The following NDST4 variants were observed in gnomAD, a reference collection of about 807,000 sequenced individuals.
The protein encoded by NDST4 is N-deacetylase and N-sulfotransferase 4.
A neutral mutation model predicts 100.8 loss-of-function variants in NDST4; 63 were observed. The observed-to-expected ratio is 0.62, with a 90% confidence interval of 0.51 to 0.77. NDST4 has a LOEUF of 0.77. NDST4 is among the 30% of genes least tolerant of loss of function. NDST4 has a pLI of 0.00. For missense variants in NDST4, 943 were observed against 1,018.4 expected (o/e 0.93, Z 1.01); for synonymous variants, 377 against 361.8 (o/e 1.04, Z -0.48).
At chr4:114,832,235 G>T (rs2126180056) in intron 12 of NDST4, among the ~76,000 whole-genome samples, 1 of 152,304 alleles carries the variant, frequency 6.6e-6, no homozygotes, top group African/African-American at 2.4e-5. Context: ...TAGGCCTTGT[G>T]TTGTTGTTAT....
chr4:114,981,579 C>G (rs2126246559), intron 2 of NDST4, among the ~76,000 whole-genome samples: 1 of 152,194 alleles, frequency 6.6e-6, no homozygotes, highest in East Asian at 1.9e-4. Flanking sequence ...TCTGGGGATT[C>G]TGAATTGGAG....
At chr4:114,860,972 C>T (rs535908492) in intron 7 of NDST4, among the ~76,000 whole-genome samples, 11 of 152,276 alleles carry the variant, frequency 7.2e-5, no homozygotes, top group East Asian at 1.9e-4. Flanking sequence ...AAATCAGCAA[C>T]GAAATAATTC....
intron 7 of NDST4, among the ~76,000 whole-genome samples, chr4:114,856,719 A>G (rs933460762): frequency 6.6e-6 from 1 of 152,148 alleles, no homozygotes; most frequent in African/African-American, 2.4e-5. Flanking sequence ...CTGGCTCACT[A>G]TATTGTTGAC....
At chr4:115,055,415 G>A (rs1728673618) in intron 2 of NDST4, among the ~76,000 whole-genome samples, 1 of 151,936 alleles carries the variant, frequency 6.6e-6, no homozygotes, top group Admixed American at 6.6e-5. Context: ...GGGGATCACT[G>A]GCTTATTCCA....
At chr4:115,003,751 C>T (rs2126256998) in intron 2 of NDST4, among the ~76,000 whole-genome samples, 1 of 151,910 alleles carries the variant, frequency 6.6e-6, no homozygotes, top group African/African-American at 2.4e-5. Context: ...ACCTGTACTC[C>T]CAGCTACTCG....
chr4:114,950,315 T>C (rs1578408807), intron 4 of NDST4, among the ~76,000 whole-genome samples: 1 of 152,074 alleles, frequency 6.6e-6, no homozygotes, highest in African/African-American at 2.4e-5. Flanking sequence ...AAATAAAATT[T>C]TATTGTCCAT....
At position 115,080,114 on chromosome 4, in the gene NDST4, C is replaced by T. The variant is rs536915644; in HGVS notation, c.-246-2832G>A. 3.3e-5 allele frequency among the ~76,000 whole-genome samples: 5 copies of T among 152,144 alleles called. No homozygotes were observed. In the South Asian group the frequency reaches 1.0e-3, roughly 32 times the overall value. On this transcript the variant is annotated intron_variant, in intron 1 of 13. Transcript: ENST00000264363. ...CACATGTTGGGGAATTACTAATACT[C>T]TATTTACAAATTTTATTTGTTTCAT...
intron 10 of NDST4, among the ~76,000 whole-genome samples, chr4:114,842,109 T>C (rs1361281843): frequency 1.3e-5 from 2 of 152,208 alleles, no homozygotes; most frequent in South Asian, 2.1e-4. Context: ...TTGGTATATA[T>C]ACACTGTTAC....
intron 3 of NDST4, among the ~76,000 whole-genome samples, chr4:114,973,038 A>C (rs1219750322): frequency 6.6e-6 from 1 of 152,030 alleles, no homozygotes; most frequent in Non-Finnish European, 1.5e-5. Context: ...CATATAATTC[A>C]AAGCCACATG....
At chr4:115,082,149 T>G (rs1040638993) in intron 1 of NDST4, among the ~76,000 whole-genome samples, 3 of 152,170 alleles carry the variant, frequency 2.0e-5, no homozygotes, top group Non-Finnish European at 4.4e-5. Context: ...ATTTTTACCT[T>G]CTATCCTTCC....
Position 114,984,159 on chromosome 4 carries a change from T to C in NDST4, c.979-6885A>G, listed in dbSNP as rs1046441638. On this transcript the variant is annotated intron_variant, in intron 2 of 13. Coordinates refer to ENST00000264363, the MANE Select transcript of NDST4 (RefSeq NM_022569.3). Reference sequence around the variant, plus strand: ...AACTAATACTATTTATTTATTTATTTATTTATTTATTTATTTATTTATTTA... The same window carrying C: ...AACTAATACTATTTATTTATTTATTCATTTATTTATTTATTTATTTATTTA... Among the ~76,000 whole-genome samples the C allele has an allele frequency of 5.4e-5, 8 of 148,534 alleles. No individual in the cohort carries two copies. The East Asian group carries it at 1.6e-3, about 29-fold the overall frequency.
rs991019823 is a variant in NDST4, at chr4:114,988,352, C to CTTTTTTTTTTTTTTTT, written c.979-11094_979-11079dup. ...TTTGTAAGCACACAGATACACATATCTTTTTTTTTTTTTTTTTTTTTTTTT... is the reference window on the plus strand; with the variant it reads ...TTTGTAAGCACACAGATACACATATCTTTTTTTTTTTTTTTTTTTTTTTTTTTTTTTTTTTTTTTTT... On this transcript the variant is annotated intron_variant, in intron 2 of 13. Transcript: ENST00000264363. 2.0e-4 allele frequency among the ~76,000 whole-genome samples: 13 copies of CTTTTTTTTTTTTTTTT among 64,196 alleles called. 3 individuals are homozygous for CTTTTTTTTTTTTTTTT. The highest frequency in any genetic ancestry group is 5.7e-4 in the Admixed American group (3 of 5,268). The allele number at this position is 64,196 out of a possible 152,430, so 42.1% of individuals were successfully genotyped here.
chr4:114,988,165 T>C (rs1726953152), intron 2 of NDST4, among the ~76,000 whole-genome samples: 1 of 151,956 alleles, frequency 6.6e-6, no homozygotes, highest in African/African-American at 2.4e-5. Flanking sequence ...TATTATAGTA[T>C]ATTTCTTAAA....
chr4:115,015,246 A>T (rs1416678424), intron 2 of NDST4, among the ~76,000 whole-genome samples: 1 of 152,090 alleles, frequency 6.6e-6, no homozygotes, highest in East Asian at 1.9e-4. Context: ...AATATCTATG[A>T]TCATCAAACA....
At chr4:114,941,280 T>C (rs1725744134) in intron 4 of NDST4, among the ~76,000 whole-genome samples, 1 of 152,168 alleles carries the variant, frequency 6.6e-6, no homozygotes, top group African/African-American at 2.4e-5. Context: ...ACCCAAGTTG[T>C]CTAGATTCAT....
chr4:114,886,867 G>A (rs1157356366), intron 6 of NDST4, among the ~76,000 whole-genome samples: 1 of 152,276 alleles, frequency 6.6e-6, no homozygotes, highest in South Asian at 2.1e-4. Flanking sequence ...ATACTTTTGT[G>A]AGAGTAGAGA....
chr4:114,997,701 C>T (rs1052248829), intron 2 of NDST4, among the ~76,000 whole-genome samples: 1 of 152,040 alleles, frequency 6.6e-6, no homozygotes, highest in Non-Finnish European at 1.5e-5. Context: ...AATAAACATG[C>T]ACAATGCCTT....
In NDST4 at chr4:115,013,346, C is replaced by CATATATATATAT. The variant is rs200801455; in HGVS notation, c.979-36084_979-36073dup. Among the ~76,000 whole-genome samples, 503 of 65,264 alleles carry CATATATATATAT rather than the reference C, an allele frequency of 7.7e-3. 20 individuals are homozygous for CATATATATATAT. Among genetic ancestry groups the CATATATATATAT allele is most frequent in the African/African-American group, 0.022 (454 of 20,618 alleles). 42.8% of individuals were successfully genotyped at this position (65,264 alleles called of 152,430 possible). ...ATGTACTCCATAAAAATATAAATAC[C>CATATATATATAT]ATATATATATATATATATATATATA... On this transcript the variant is annotated intron_variant, in intron 2 of 13. Coordinates refer to ENST00000264363, the MANE Select transcript of NDST4 (RefSeq NM_022569.3).
intron 1 of NDST4, among the ~76,000 whole-genome samples, chr4:115,106,145 C>G (rs1217721161): frequency 6.6e-6 from 1 of 151,970 alleles, no homozygotes; most frequent in Non-Finnish European, 1.5e-5. Context: ...TCTGGTTCAC[C>G]ATGGGGGAAG....
Sources: gnomAD v4.1 joint callset for allele counts (sites outside exome capture counted in the v4.1 genomes callset) on GRCh38, gnomAD v4.1.1 for gene constraint, MANE v1.5 for transcripts, NCBI Gene and HGNC (gene_info 2026-07-23, HGNC 2026-07-21) for gene names.